Variants in ONECUT2 observed in about 807,000 individuals in gnomAD.
ONECUT2 encodes one cut homeobox 2.
ONECUT2 carries 10 observed loss-of-function variants against 27.9 expected under a neutral mutation model. That is an observed-to-expected ratio of 0.36 (90% CI 0.22 to 0.61). The LOEUF (loss-of-function observed/expected upper bound fraction) is 0.61, where lower values mean the gene tolerates loss of function less well. Among genes scored for constraint, ONECUT2 ranks in the 20% least tolerant of loss-of-function variants. The pLI is 0.73. For missense variants in ONECUT2, 686 were observed against 721.0 expected (o/e 0.95, Z 0.56); for synonymous variants, 334 against 315.1 (o/e 1.06, Z -0.64).
chr18:57,460,438 C>T (rs943865134), intron 1 of ONECUT2, among the ~76,000 whole-genome samples: 1 of 152,042 alleles, frequency 6.6e-6, no homozygotes, highest in Non-Finnish European at 1.5e-5. Flanking sequence ...TCAGTTTCTG[C>T]ACTCCATTCT....
Position 57,481,382 on chromosome 18 carries a change from G to GA in ONECUT2, c.*4661dup, listed in dbSNP as rs1193460685. The GA allele has an allele frequency of 6.6e-6, 1 of 152,112 alleles. No homozygotes were observed. Among genetic ancestry groups the GA allele is most frequent in the Non-Finnish European group, 1.5e-5 (1 of 68,020 alleles). 9.4% of individuals were successfully genotyped at this position (152,112 alleles called of 1,614,324 possible). On this transcript the variant is annotated 3_prime_UTR_variant, in exon 2 of 2. Transcript: ENST00000491143. The stretch of plus-strand genomic sequence containing the variant: ...GCAATTGTAGGCTTTAGCAAATCCA[G>GA]AATAATTTTCAATTCAAGCTAAAAT...
intron 1 of ONECUT2, among the ~76,000 whole-genome samples, chr18:57,440,405 C>T (rs915398616): frequency 6.6e-6 from 1 of 152,224 alleles, no homozygotes; most frequent in African/African-American, 2.4e-5. Context: ...TTCCGACGCC[C>T]GAAAATCGAG....
chr18:57,451,884 G>C (rs908386654), intron 1 of ONECUT2, among the ~76,000 whole-genome samples: 2 of 152,206 alleles, frequency 1.3e-5, no homozygotes, highest in African/African-American at 4.8e-5. Context: ...AGGGTGGAAA[G>C]GCTCTACAAA....
chr18:57,445,171 A>G (rs1204507282), intron 1 of ONECUT2, among the ~76,000 whole-genome samples: 2 of 152,206 alleles, frequency 1.3e-5, no homozygotes, highest in East Asian at 1.9e-4. Context: ...TGTTGCCACA[A>G]TTATTTTGGT....
chr18:57,437,593 G>A (rs1027442796), intron 1 of ONECUT2, among the ~76,000 whole-genome samples: 1 of 152,228 alleles, frequency 6.6e-6, no homozygotes, highest in Non-Finnish European at 1.5e-5. Flanking sequence ...TGGCGTTGGC[G>A]CAGGGACTTT....
In ONECUT2 at chr18:57,436,104, G is replaced by A; in HGVS notation, c.388G>A (p.Ala130Thr). Residue 130 changes from alanine to threonine, a missense_variant, in exon 1 of 2, where the codon GCC becomes ACC. Ala to Thr is a moderately conservative substitution (Grantham distance 58). Transcript: ENST00000491143. This position sits in a 1 kb window ranked among gnomAD's most constrained non-coding sequence, Gnocchi z 5.9. ...CGAGCTCTCCATCCCGCTGCACCAC[G>A]CCATGAGCATGTCCTGCGACTCGTC... ...RPELSIPLHH[A>T]MSMSCDSSPP... The A allele has an allele frequency of 6.2e-7, 1 of 1,600,408 alleles. No individual in the cohort carries two copies. The highest frequency in any genetic ancestry group is 8.5e-7 in the Non-Finnish European group (1 of 1,179,800).
At chr18:57,457,634 G>A (rs1396805262) in intron 1 of ONECUT2, among the ~76,000 whole-genome samples, 2 of 152,160 alleles carry the variant, frequency 1.3e-5, no homozygotes, top group African/African-American at 4.8e-5. Context: ...CTGTACTCCA[G>A]CAGCTTAAAA....
intron 1 of ONECUT2, among the ~76,000 whole-genome samples, chr18:57,475,567 G>T (rs1320282116): frequency 6.6e-6 from 1 of 152,162 alleles, no homozygotes; most frequent in Non-Finnish European, 1.5e-5. Context: ...TACTACAGAG[G>T]CCTGGTTGCT....
chr18:57,468,463 A>C (rs972772659), intron 1 of ONECUT2, among the ~76,000 whole-genome samples: 3 of 152,228 alleles, frequency 2.0e-5, no homozygotes, highest in African/African-American at 7.2e-5. Context: ...CAGAAATCAC[A>C]ATGAAGCAAG....
At position 57,478,608 on chromosome 18, in the gene ONECUT2, G is replaced by T. The variant is rs1331526810; in HGVS notation, c.*1885G>T. The T allele has an allele frequency of 6.6e-6, 1 of 152,648 alleles. No individual in the cohort carries two copies. Among genetic ancestry groups the T allele is most frequent in the African/African-American group, 2.4e-5 (1 of 41,458 alleles). The allele number at this position is 152,648 out of a possible 1,614,324, so 9.5% of individuals were successfully genotyped here. ...ATTTTAAAGAAAGGGTTGAGACAAA[G>T]ATAGAAATAAGGAAGAGCCTCAGTG... On this transcript the variant is annotated 3_prime_UTR_variant, in exon 2 of 2. Transcript: ENST00000491143.
chr18:57,486,265 C>T lies in ONECUT2; in HGVS notation c.*9542C>T, dbSNP rs949332129. On this transcript the variant is annotated 3_prime_UTR_variant, in exon 2 of 2. Transcript: ENST00000491143. ...GGACCTCTCTGTGCTTTTTTTAATTCTTCCTGTGAATACCTCAGCTTCAAC... is the reference window on the plus strand; with the variant it reads ...GGACCTCTCTGTGCTTTTTTTAATTTTTCCTGTGAATACCTCAGCTTCAAC... The T allele has an allele frequency of 2.0e-5, 3 of 152,592 alleles. No homozygotes were observed. The highest frequency in any genetic ancestry group is 2.9e-5 in the Non-Finnish European group (2 of 68,052). 9.5% of individuals were successfully genotyped at this position (152,592 alleles called of 1,614,324 possible). A position where few individuals can be genotyped will look rare whatever the true frequency, so the allele number is the denominator to read the frequency against.
At chr18:57,474,340 T>C (rs780159994) in intron 1 of ONECUT2, among the ~76,000 whole-genome samples, 34 of 152,190 alleles carry the variant, frequency 2.2e-4, no homozygotes, top group Admixed American at 1.3e-4. Flanking sequence ...CCGTAAGTGT[T>C]TGTCTTCAGG....
chr18:57,478,133 A>G lies in ONECUT2; in HGVS notation c.*1410A>G, dbSNP rs2122156501. The G allele has an allele frequency of 6.5e-6, 1 of 152,794 alleles. No individual in the cohort carries two copies. The highest frequency in any genetic ancestry group is 2.4e-5 in the African/African-American group (1 of 41,580). The allele number at this position is 152,794 out of a possible 1,614,324, so 9.5% of individuals were successfully genotyped here. On this transcript the variant is annotated 3_prime_UTR_variant, in exon 2 of 2. Transcript: ENST00000491143. The stretch of plus-strand genomic sequence containing the variant: ...ATTCAGCTCTTGCATTTGGCGCATC[A>G]TCGGGCTGAGCGGACCAGCTACACC...
rs1480605898 is a variant in ONECUT2, at chr18:57,482,738, T to A, written c.*6015T>A. On this transcript the variant is annotated 3_prime_UTR_variant, in exon 2 of 2. Coordinates refer to ENST00000491143, the MANE Select transcript of ONECUT2 (RefSeq NM_004852.3). ...ACTTTATAACAACACACATTACCTA[T>A]AGGTGTCTAGACTGTGTACATACAA... is the stretch of plus-strand genomic sequence containing the variant. The A allele has an allele frequency of 6.6e-6, 1 of 152,178 alleles. No individual in the cohort carries two copies. Among genetic ancestry groups the A allele is most frequent in the Admixed American group, 6.5e-5 (1 of 15,276 alleles). 9.4% of individuals were successfully genotyped at this position (152,178 alleles called of 1,614,324 possible). A position where few individuals can be genotyped will look rare whatever the true frequency, so the allele number is the denominator to read the frequency against.
In ONECUT2 at chr18:57,436,371, G is replaced by C. The variant is rs1341502316; in HGVS notation, c.655G>C (p.Gly219Arg). Residue 219 changes from glycine to arginine, a missense_variant, in exon 1 of 2, where the codon GGC (glycine) becomes CGC (arginine). By Grantham distance (125) the Gly-to-Arg change is moderately radical. This residue lies in a region of ONECUT2 where 511 missense variants were observed against 488.1 expected (regional missense o/e 1.05). Transcript: ENST00000491143. This position sits in a 1 kb window ranked among gnomAD's most constrained non-coding sequence, Gnocchi z 5.9. ...CTACAGTCCCTACAAGGAGATGCCC[G>C]GCATGAGCCAGAGCCTGTCCCCGCT... ...NLYSPYKEMP[G>R]MSQSLSPLAA... 1 of 1,607,856 alleles carries C rather than the reference G, an allele frequency of 6.2e-7. No homozygotes were observed.
At chr18:57,473,521 T>C (rs1317898096) in intron 1 of ONECUT2, among the ~76,000 whole-genome samples, 1 of 152,174 alleles carries the variant, frequency 6.6e-6, no homozygotes, top group Non-Finnish European at 1.5e-5. Flanking sequence ...GCCCCAGGTC[T>C]TGGAGGTGTG....
chr18:57,437,964 G>A (rs1288907426), intron 1 of ONECUT2, among the ~76,000 whole-genome samples: 1 of 152,274 alleles, frequency 6.6e-6, no homozygotes, highest in Non-Finnish European at 1.5e-5. Context: ...GCCCGCGGGA[G>A]GGGACGGGTA....
intron 1 of ONECUT2, among the ~76,000 whole-genome samples, chr18:57,460,687 C>CTT (rs66773926): frequency 0.1 from 11,423 of 112,874 alleles, 927 homozygotes; most frequent in Middle Eastern, 0.16. Flanking sequence ...TCATTCAAAT[C>CTT]TTTTTTTTTT....
intron 1 of ONECUT2, among the ~76,000 whole-genome samples, chr18:57,462,522 A>G (rs1050427846): frequency 4.6e-5 from 7 of 152,028 alleles, no homozygotes; most frequent in Non-Finnish European, 8.8e-5. Context: ...AGTAGCTGGG[A>G]CTACTATAGG....
Sources: allele counts gnomAD v4.1 joint callset (sites outside exome capture counted in the v4.1 genomes callset), GRCh38; gene constraint gnomAD v4.1.1; regional missense constraint gnomAD v4.1.1; non-coding constraint Gnocchi (gnomAD v3.1); transcripts MANE v1.5; gene names NCBI Gene and HGNC (gene_info 2026-07-23, HGNC 2026-07-21).